Variants in ACTL8 observed in about 807,000 individuals in gnomAD.
The protein encoded by ACTL8 is actin-like protein 8.
A neutral mutation model predicts 9.3 loss-of-function variants in ACTL8; 3 were observed. The observed-to-expected ratio is 0.32, with a 90% CI of 0.15 to 0.83. The LOEUF (loss-of-function observed/expected upper bound fraction) is 0.83. Ranked by LOEUF, ACTL8 falls within the 40% of genes least tolerant of loss-of-function variation. ACTL8 has a pLI of 0.57. For synonymous variants in ACTL8, 224 were observed against 205.9 expected (o/e 1.09, Z -0.75); for missense variants, 381 against 492.2 (o/e 0.77, Z 2.14).
intron 1 of ACTL8, among the ~76,000 whole-genome samples, chr1:17,766,376 C>CA (rs1557427715): frequency 1.3e-5 from 2 of 151,984 alleles, no homozygotes; most frequent in East Asian, 3.9e-4. Flanking sequence ...AATTGTACAG[C>CA]GTATGAGTGG....
chr1:17,795,842 G>A (rs1364633090), intron 1 of ACTL8, among the ~76,000 whole-genome samples: 3 of 152,186 alleles, frequency 2.0e-5, no homozygotes, highest in Non-Finnish European at 2.9e-5. Flanking sequence ...GGCGGGTTGC[G>A]TTTGAATGTG....
At chr1:17,757,665 C>G (rs932766533) in intron 1 of ACTL8, among the ~76,000 whole-genome samples, 5 of 152,162 alleles carry the variant, frequency 3.3e-5, no homozygotes, top group African/African-American at 7.2e-5. Context: ...TCAGCATGTT[C>G]CACGGTGGCG....
chr1:17,759,324 T>C (rs1246724629), intron 1 of ACTL8, among the ~76,000 whole-genome samples: 1 of 152,234 alleles, frequency 6.6e-6, no homozygotes, highest in African/African-American at 2.4e-5. Context: ...GGTTGCCACG[T>C]GCTCACAGGG....
chr1:17,826,200 G>T lies in ACTL8; in HGVS notation c.782G>T (p.Ser261Ile), dbSNP rs202116436. The T allele has an allele frequency of 1.2e-5, 20 of 1,613,218 alleles. No individual in the cohort carries two copies. The highest frequency in any genetic ancestry group is 1.6e-5 in the Non-Finnish European group (19 of 1,179,984). ...MQRVAPEMFF[S>I]PQVFEQPGPS... ...CGGGTGGCTCCTGAGATGTTCTTTA[G>T]CCCGCAGGTGTTCGAGCAGCCGGGG... Residue 261 changes from serine (S) to isoleucine (I), a missense_variant, in exon 3 of 3, where the codon AGC (serine) becomes ATC (isoleucine). By Grantham distance (142) the Ser-to-Ile change is moderately radical (BLOSUM62 -2). Coordinates refer to ENST00000375406, the MANE Select transcript of ACTL8 (RefSeq NM_030812.3). The surrounding 1 kb of genome is among the most constrained non-coding windows in gnomAD (Gnocchi z 4.5).
intron 1 of ACTL8, among the ~76,000 whole-genome samples, chr1:17,783,283 T>C (rs895138713): frequency 2.0e-5 from 3 of 152,100 alleles, no homozygotes; most frequent in Non-Finnish European, 4.4e-5. Context: ...TCCCATGCTG[T>C]TCCCGTGATA....
At chr1:17,779,044 T>C (rs565806936) in intron 1 of ACTL8, among the ~76,000 whole-genome samples, 1 of 152,276 alleles carries the variant, frequency 6.6e-6, no homozygotes, top group Admixed American at 6.5e-5. Flanking sequence ...TCCCCGTCCC[T>C]GGCCTCCCCA....
At chr1:17,757,714 C>T (rs1042579670) in intron 1 of ACTL8, among the ~76,000 whole-genome samples, 1 of 152,170 alleles carries the variant, frequency 6.6e-6, no homozygotes, top group African/African-American at 2.4e-5. Context: ...AAAAGAACGA[C>T]AAGACTGGTG....
In ACTL8 at chr1:17,776,969, A is replaced by ATTTTTTT. The variant is rs765972298; in HGVS notation, c.-25+21495_-25+21501dup. 1.4e-4 allele frequency among the ~76,000 whole-genome samples: 7 copies of ATTTTTTT among 50,550 alleles called. 2 individuals are homozygous for ATTTTTTT. Among genetic ancestry groups the ATTTTTTT allele is most frequent in the Non-Finnish European group, 2.5e-4 (7 of 28,242 alleles). The allele number at this position is 50,550 out of a possible 152,430, so 33.2% of individuals were successfully genotyped here. Reference sequence around the variant, plus strand: ...CATCCACCACCGTTCCTGGCTAATGATTTTTTTTTTTTTTTTTTTTTTTTT... The same window carrying ATTTTTTT: ...CATCCACCACCGTTCCTGGCTAATGATTTTTTTTTTTTTTTTTTTTTTTTTTTTTTTT... On this transcript the variant is annotated intron_variant, in intron 1 of 2. Coordinates refer to ENST00000375406, the MANE Select transcript of ACTL8 (RefSeq NM_030812.3).
intron 1 of ACTL8, among the ~76,000 whole-genome samples, chr1:17,756,507 T>G (rs1207513304): frequency 1.3e-5 from 2 of 152,184 alleles, no homozygotes; most frequent in Non-Finnish European, 2.9e-5. Context: ...TATCGTTCTC[T>G]TTACTCCTTA....
At chr1:17,817,479 C>T (rs1448656021) in intron 1 of ACTL8, among the ~76,000 whole-genome samples, 1 of 152,088 alleles carries the variant, frequency 6.6e-6, no homozygotes, top group African/African-American at 2.4e-5. Context: ...TTTCTCATCC[C>T]ATTCGATTCT....
intron 1 of ACTL8, among the ~76,000 whole-genome samples, chr1:17,759,157 T>A (rs192128364): frequency 1.6e-4 from 25 of 152,360 alleles, no homozygotes; most frequent in Middle Eastern, 3.4e-3. Context: ...GCTTTTCTGG[T>A]TATCAATTAT....
At chr1:17,809,956 C>T (rs114115843) in intron 1 of ACTL8, among the ~76,000 whole-genome samples, 3,479 of 152,244 alleles carry the variant, frequency 0.023, 129 homozygotes, top group African/African-American at 0.077. Context: ...GGTTGGGGAT[C>T]GCTGATACAG....
chr1:17,775,206 C>A (rs897396732), intron 1 of ACTL8, among the ~76,000 whole-genome samples: 1 of 152,180 alleles, frequency 6.6e-6, no homozygotes, highest in Non-Finnish European at 1.5e-5. Context: ...TGAGTTCACC[C>A]AGCAAATTAG....
chr1:17,801,212 T>C (rs2102692829), intron 1 of ACTL8, among the ~76,000 whole-genome samples: 1 of 152,272 alleles, frequency 6.6e-6, no homozygotes, highest in South Asian at 2.1e-4. Context: ...CTGTTTATTA[T>C]CTCCTCCTTG....
chr1:17,774,491 A>T (rs977784339), intron 1 of ACTL8, among the ~76,000 whole-genome samples: 2 of 151,676 alleles, frequency 1.3e-5, no homozygotes, highest in Non-Finnish European at 2.9e-5. Context: ...TGAAAATTCA[A>T]CTCCTCAGGG....
At chr1:17,824,140 A>G (rs1452472179) in intron 2 of ACTL8, among the ~76,000 whole-genome samples, 3 of 152,160 alleles carry the variant, frequency 2.0e-5, no homozygotes, top group African/African-American at 7.2e-5. Flanking sequence ...GGCAAATAGG[A>G]TGGTGAGGTT....
chr1:17,803,945 A>C (rs2066340833), intron 1 of ACTL8, among the ~76,000 whole-genome samples: 1 of 152,172 alleles, frequency 6.6e-6, no homozygotes, highest in Non-Finnish European at 1.5e-5. Context: ...AATTGGATAT[A>C]CGCTTACTTC....
intron 1 of ACTL8, among the ~76,000 whole-genome samples, chr1:17,776,227 A>G (rs1167419506): frequency 4.6e-5 from 7 of 152,192 alleles, no homozygotes; most frequent in Non-Finnish European, 7.4e-5. Context: ...GACTTGCCCA[A>G]GGAGCCTTCA....
intron 1 of ACTL8, among the ~76,000 whole-genome samples, chr1:17,782,149 C>T (rs1406867638): frequency 6.6e-6 from 1 of 152,150 alleles, no homozygotes; most frequent in Non-Finnish European, 1.5e-5. Context: ...CAAAGCCCAT[C>T]CCTGGGCCTC....
Sources: allele counts gnomAD v4.1 joint callset (sites outside exome capture counted in the v4.1 genomes callset), GRCh38; gene constraint gnomAD v4.1.1; non-coding constraint Gnocchi (gnomAD v3.1); transcripts MANE v1.5; gene names NCBI Gene and HGNC (gene_info 2026-07-23, HGNC 2026-07-21).